Variants in CLSTN1 observed in about 807,000 individuals in gnomAD.
CLSTN1 encodes the protein calsyntenin 1.
CLSTN1 carries 28 observed loss-of-function variants against 108.3 expected under a neutral mutation model. That is an observed-to-expected ratio of 0.26 (90% CI 0.19 to 0.35). CLSTN1 has a LOEUF of 0.35. Ranked by LOEUF, CLSTN1 falls within the 10% of genes least tolerant of loss-of-function variation. The pLI is 1.00. For missense variants in CLSTN1, 1,157 were observed against 1,302.6 expected (o/e 0.89, Z 1.72); for synonymous variants, 524 against 534.9 (o/e 0.98, Z 0.28).
chr1:9,747,176 C>CAAAAAAAAA (rs70998306), intron 7 of CLSTN1, among the ~76,000 whole-genome samples: 4 of 32,744 alleles, frequency 1.2e-4, no homozygotes, highest in East Asian at 1.2e-3. Context: ...GAGACTGTCT[C>CAAAAAAAAA]AAAAAAAAAA....
rs1026023641 is a variant in CLSTN1, at chr1:9,742,910, GA to G, written c.1356+973del. 2.0e-3 allele frequency among the ~76,000 whole-genome samples: 290 copies of G among 147,566 alleles called. 3 individuals are homozygous for G. The highest frequency in any genetic ancestry group is 3.0e-3 in the Non-Finnish European group (202 of 66,486). ...AACAAAGCGAGACTCAGTCTCGGGG[GA>G]AAAAAAAAAGAGACAAATGCTACCA... On this transcript the variant is annotated intron_variant, in intron 9 of 18. Coordinates refer to ENST00000377298, the MANE Select transcript of CLSTN1 (RefSeq NM_001009566.3).
chr1:9,746,403 A>G (rs1476359474), intron 7 of CLSTN1, among the ~76,000 whole-genome samples: 1 of 152,230 alleles, frequency 6.6e-6, no homozygotes, highest in Non-Finnish European at 1.5e-5. Context: ...CTTGAGTAAC[A>G]GAAGACCTTG....
intron 1 of CLSTN1, among the ~76,000 whole-genome samples, chr1:9,779,942 T>C (rs1653163840): frequency 1.3e-5 from 2 of 152,112 alleles, no homozygotes; most frequent in African/African-American, 2.4e-5. Flanking sequence ...AACCTTTGCC[T>C]CTCAGGTTCA....
chr1:9,782,912 TAGG>T (rs1653315025), intron 1 of CLSTN1, among the ~76,000 whole-genome samples: 1 of 152,012 alleles, frequency 6.6e-6, no homozygotes, highest in African/African-American at 2.4e-5. Context: ...GAGGCTGAGG[TAGG>T]AGAATAGCTG....
At chr1:9,731,725 G>C in intron 17 of CLSTN1, 36 bp downstream of exon 17, 1 of 1,612,298 alleles carries the variant, frequency 6.2e-7, no homozygotes, top group Non-Finnish European at 8.5e-7. Flanking sequence ...GGACGGCATG[G>C]AGCATCTCCG....
intron 1 of CLSTN1, among the ~76,000 whole-genome samples, chr1:9,804,983 G>A (rs1189241583): frequency 2.0e-5 from 3 of 151,910 alleles, no homozygotes; most frequent in Non-Finnish European, 4.4e-5. Flanking sequence ...TTAGCTGGGC[G>A]TGCTAGTGCA....
intron 11 of CLSTN1, among the ~76,000 whole-genome samples, chr1:9,737,004 T>A (rs1224466975): frequency 6.6e-6 from 1 of 151,496 alleles, no homozygotes; most frequent in Non-Finnish European, 1.5e-5. Flanking sequence ...ACCCAGGAGG[T>A]GGAGGTTGCA....
intron 1 of CLSTN1, among the ~76,000 whole-genome samples, chr1:9,783,760 A>G (rs1458514485): frequency 6.6e-6 from 1 of 152,186 alleles, no homozygotes; most frequent in Non-Finnish European, 1.5e-5. Flanking sequence ...TGGGAGGCCA[A>G]GGTGAGCAGA....
intron 2 of CLSTN1, among the ~76,000 whole-genome samples, chr1:9,758,330 T>C (rs1414632943): frequency 1.3e-5 from 2 of 151,126 alleles, no homozygotes; most frequent in Non-Finnish European, 2.9e-5. Context: ...TTTTCTTTTT[T>C]TGAGACAGAG....
chr1:9,805,903 T>C (rs1654487498), intron 1 of CLSTN1, among the ~76,000 whole-genome samples: 1 of 150,938 alleles, frequency 6.6e-6, no homozygotes, highest in African/African-American at 2.4e-5. Context: ...TAAGTCACCA[T>C]GCAATGGGTT....
chr1:9,764,106 A>AAAAGAGAG (rs1652209521), intron 2 of CLSTN1, among the ~76,000 whole-genome samples: 3 of 120,778 alleles, frequency 2.5e-5, no homozygotes, highest in South Asian at 8.1e-4. Flanking sequence ...GGGAGAAAGA[A>AAAAGAGAG]AGAGAGAGAG....
chr1:9,762,144 G>A (rs1485103208), intron 2 of CLSTN1, among the ~76,000 whole-genome samples: 1 of 152,150 alleles, frequency 6.6e-6, no homozygotes, highest in African/African-American at 2.4e-5. Flanking sequence ...GTGCCCAATG[G>A]GAAACGGATC....
intron 1 of CLSTN1, among the ~76,000 whole-genome samples, chr1:9,812,894 G>A (rs1369525158): frequency 6.6e-6 from 1 of 151,610 alleles, no homozygotes; most frequent in African/African-American, 2.4e-5. Flanking sequence ...ACCAGGTGAG[G>A]TAGCTCAGCC....
chr1:9,808,935 C>G (rs1448635905), intron 1 of CLSTN1, among the ~76,000 whole-genome samples: 2 of 151,882 alleles, frequency 1.3e-5, no homozygotes, highest in Non-Finnish European at 2.9e-5. Flanking sequence ...CTAGATATAA[C>G]AGAAACTTCA....
chr1:9,786,648 C>CAAA (rs36003203), intron 1 of CLSTN1, among the ~76,000 whole-genome samples: 1,818 of 36,908 alleles, frequency 0.049, 222 homozygotes, highest in African/African-American at 0.097. Flanking sequence ...GACTCCGTCT[C>CAAA]AAAAAAAAAA....
intron 17 of CLSTN1, 80 bp from the exon 18 acceptor site, chr1:9,731,470 T>C (rs2101071245): frequency 6.9e-7 from 1 of 1,449,584 alleles, no homozygotes; most frequent in Non-Finnish European, 9.5e-7. Flanking sequence ...CGGCTGTGCC[T>C]GGTCAAAACG....
chr1:9,820,598 A>G (rs949661344), intron 1 of CLSTN1, among the ~76,000 whole-genome samples: 2 of 152,178 alleles, frequency 1.3e-5, no homozygotes, highest in Non-Finnish European at 2.9e-5. Flanking sequence ...ATTTATCTGT[A>G]AAGTGAAAAT....
At chr1:9,781,049 G>A in intron 1 of CLSTN1, 1 of 568,562 alleles carries the variant, frequency 1.8e-6, no homozygotes, top group Admixed American at 3.2e-5. Flanking sequence ...GGGATTAAGA[G>A]TATCCAACCT....
chr1:9,806,802 C>A (rs938566266), intron 1 of CLSTN1, among the ~76,000 whole-genome samples: 4 of 151,842 alleles, frequency 2.6e-5, no homozygotes, highest in African/African-American at 9.7e-5. Context: ...TGGTGTGAAC[C>A]CAGGAGGTGG....
Sources: allele counts gnomAD v4.1 joint callset (sites outside exome capture counted in the v4.1 genomes callset), GRCh38; gene constraint gnomAD v4.1.1; transcripts MANE v1.5; gene names NCBI Gene and HGNC (gene_info 2026-07-23, HGNC 2026-07-21).